Variants in DIP2C observed in about 807,000 individuals in gnomAD.
DIP2C encodes DIP2 acetate--CoA ligase C (putative).
A neutral mutation model predicts 192.4 loss-of-function variants in DIP2C; 33 were observed. The ratio of observed to expected loss-of-function variants is 0.17; its 90% confidence interval spans 0.13 to 0.23. DIP2C has a LOEUF of 0.23. Among genes scored for constraint, DIP2C ranks in the 10% least tolerant of loss-of-function variants. The pLI is 1.00. For synonymous variants in DIP2C, 979 were observed against 864.1 expected, an observed-to-expected ratio of 1.13 and a Z score of -2.33; for missense variants, 1,537 against 2,110.1, an observed-to-expected ratio of 0.73 and a Z score of 5.32.
intron 1 of DIP2C, among the ~76,000 whole-genome samples, chr10:609,805 G>A (rs963896488): frequency 1.3e-5 from 2 of 152,146 alleles, no homozygotes; most frequent in Admixed American, 6.5e-5. Flanking sequence ...TCTTATGTGA[G>A]GCAATGTCCA....
intron 1 of DIP2C, among the ~76,000 whole-genome samples, chr10:511,772 A>AC (rs890432074): frequency 1.2e-4 from 18 of 152,306 alleles, no homozygotes; most frequent in Admixed American, 3.3e-4. Flanking sequence ...ACACAGACAC[A>AC]CCCACAACCG....
intron 29 of DIP2C, among the ~76,000 whole-genome samples, chr10:339,455 T>C (rs1346384372): frequency 2.0e-5 from 3 of 151,376 alleles, no homozygotes; most frequent in African/African-American, 7.3e-5. Flanking sequence ...ATTGTTATTG[T>C]GGGTTCACAC....
chr10:277,275 A>T lies in DIP2C; in HGVS notation c.*50T>A. On this transcript the variant is annotated 3_prime_UTR_variant, in exon 37 of 37. Coordinates refer to ENST00000280886, the MANE Select transcript of DIP2C (RefSeq NM_014974.3). ...TGTCTGCACGCTTCAGTGGACACGGAGAACAATGTCTACATCTCTAGAAAA... is the reference window on the plus strand; with the variant it reads ...TGTCTGCACGCTTCAGTGGACACGGTGAACAATGTCTACATCTCTAGAAAA... The T allele has an allele frequency of 1.3e-6, 2 of 1,599,336 alleles. No homozygotes were observed. Among genetic ancestry groups the T allele is most frequent in the Non-Finnish European group, 1.7e-6 (2 of 1,174,338 alleles).
chr10:582,346 C>T (rs891796484), intron 1 of DIP2C, among the ~76,000 whole-genome samples: 4 of 152,176 alleles, frequency 2.6e-5, no homozygotes, highest in Non-Finnish European at 4.4e-5. Flanking sequence ...AGAGGTTCTC[C>T]GTAAAAACCC....
At chr10:545,107 A>C (rs1848209741) in intron 1 of DIP2C, among the ~76,000 whole-genome samples, 1 of 150,744 alleles carries the variant, frequency 6.6e-6, no homozygotes, top group South Asian at 2.1e-4. Context: ...TTAACGTGAC[A>C]ATTTAGGTCC....
At chr10:628,470 G>A (rs771371246) in intron 1 of DIP2C, among the ~76,000 whole-genome samples, 3 of 152,180 alleles carry the variant, frequency 2.0e-5, no homozygotes, top group Non-Finnish European at 2.9e-5. Flanking sequence ...TGTTGGCAAC[G>A]GGCATCATGC....
chr10:288,477 TCAC>T (rs887296446), intron 32 of DIP2C, 56 bp from the exon 33 acceptor site: 32 of 1,581,100 alleles, frequency 2.0e-5, no homozygotes, highest in Middle Eastern at 1.7e-4. Flanking sequence ...GTTTTCCCCT[TCAC>T]CAATTCACAC....
At chr10:310,359 C>T (rs974135568) in intron 31 of DIP2C, among the ~76,000 whole-genome samples, 4 of 152,154 alleles carry the variant, frequency 2.6e-5, no homozygotes, top group African/African-American at 7.2e-5. Context: ...GACAAAGCCA[C>T]GCACTGTGCC....
chr10:567,850 G>A (rs533646032), intron 1 of DIP2C, among the ~76,000 whole-genome samples: 4 of 152,058 alleles, frequency 2.6e-5, no homozygotes, highest in South Asian at 4.2e-4. Flanking sequence ...AGCTGGTCTC[G>A]AACTCCTGAC....
At chr10:500,978 G>T (rs1020693730) in intron 1 of DIP2C, among the ~76,000 whole-genome samples, 3 of 152,176 alleles carry the variant, frequency 2.0e-5, no homozygotes, top group Non-Finnish European at 4.4e-5. Flanking sequence ...TTTTCTTTTG[G>T]AGAGCGGAGG....
chr10:447,035 AGT>A (rs1968286753), intron 3 of DIP2C, among the ~76,000 whole-genome samples: 1 of 152,246 alleles, frequency 6.6e-6, no homozygotes. Flanking sequence ...AAGAGTGAAA[AGT>A]GTGAGATTTT....
intron 1 of DIP2C, among the ~76,000 whole-genome samples, chr10:548,437 CGGGATGGAGGGAGGGA>C: frequency 9.3e-6 from 1 of 107,146 alleles, no homozygotes; most frequent in South Asian, 3.3e-4. Context: ...CGGAGGCCAC[CGGGATGGAGGGAGGGA>C]GGGAGGGAGG....
At chr10:629,473 C>A (rs1334386191) in intron 1 of DIP2C, among the ~76,000 whole-genome samples, 1 of 152,216 alleles carries the variant, frequency 6.6e-6, no homozygotes, top group Non-Finnish European at 1.5e-5. Context: ...CCCCTCAGGG[C>A]ACACTGGGAC....
chr10:571,509 C>T (rs542180782), intron 1 of DIP2C, among the ~76,000 whole-genome samples: 114 of 151,854 alleles, frequency 7.5e-4, no homozygotes, highest in African/African-American at 2.6e-3. Context: ...CTTTCACTTC[C>T]CTTCTTTCCT....
chr10:495,730 A>G (rs1458958493), intron 1 of DIP2C, among the ~76,000 whole-genome samples: 1 of 152,012 alleles, frequency 6.6e-6, no homozygotes, highest in African/African-American at 2.4e-5. Flanking sequence ...GTGTACTTAA[A>G]AATCTCTCTT....
At chr10:569,827 A>T (rs1241960159) in intron 1 of DIP2C, among the ~76,000 whole-genome samples, 1 of 152,174 alleles carries the variant, frequency 6.6e-6, no homozygotes, top group African/African-American at 2.4e-5. Context: ...TGACCTAGTC[A>T]GCAATTCTAC....
chr10:312,982 C>T (rs1956626397), intron 31 of DIP2C, among the ~76,000 whole-genome samples: 1 of 152,118 alleles, frequency 6.6e-6, no homozygotes, highest in Non-Finnish European at 1.5e-5. Context: ...ACCTCATTTC[C>T]TATCTTGTAC....
At chr10:527,623 G>T (rs763380512) in intron 1 of DIP2C, among the ~76,000 whole-genome samples, 40 of 152,196 alleles carry the variant, frequency 2.6e-4, no homozygotes, top group Admixed American at 2.0e-3. Flanking sequence ...TGCAGACACA[G>T]ATATAAAATC....
intron 31 of DIP2C, among the ~76,000 whole-genome samples, chr10:316,297 A>T: frequency 6.6e-6 from 1 of 152,230 alleles, no homozygotes; most frequent in African/African-American, 2.4e-5. Context: ...ATTTACCCCC[A>T]GAAAAGAATT....
Sources: allele counts gnomAD v4.1 joint callset (sites outside exome capture counted in the v4.1 genomes callset), GRCh38; gene constraint gnomAD v4.1.1; transcripts MANE v1.5; gene names NCBI Gene and HGNC (gene_info 2026-07-23, HGNC 2026-07-21).